EPSTI1: variants seen among roughly 807,000 people sequenced by gnomAD.
The protein encoded by EPSTI1 is epithelial-stromal interaction protein 1.
Under a neutral mutation model 49.9 loss-of-function variants are expected in EPSTI1, and 66 were observed. The observed-to-expected ratio is 1.32, with a 90% CI of 1.08 to 1.62. The LOEUF (loss-of-function observed/expected upper bound fraction) is 1.62, where lower values mean the gene tolerates loss of function less well. Ranked by LOEUF, EPSTI1 falls within the 40% of genes most tolerant of loss-of-function variation. The pLI is 0.00. For missense variants in EPSTI1, 394 were observed against 365.5 expected, an observed-to-expected ratio of 1.08 and a Z score of -0.64; for synonymous variants, 137 against 130.7, an observed-to-expected ratio of 1.05 and a Z score of -0.33.
intron 1 of EPSTI1, among the ~76,000 whole-genome samples, chr13:42,985,617 G>A: frequency 6.6e-6 from 1 of 152,190 alleles, no homozygotes; most frequent in Admixed American, 6.5e-5. Context: ...GAAAATCTTG[G>A]ACACGAATAT....
At chr13:42,948,877 G>A (rs1362890720) in intron 6 of EPSTI1, among the ~76,000 whole-genome samples, 1 of 152,194 alleles carries the variant, frequency 6.6e-6, no homozygotes, top group Non-Finnish European at 1.5e-5. Flanking sequence ...TGTGTAAACA[G>A]GAGATAAAAT....
At chr13:42,952,332 G>T (rs564920725) in intron 6 of EPSTI1, among the ~76,000 whole-genome samples, 1 of 152,110 alleles carries the variant, frequency 6.6e-6, no homozygotes, top group African/African-American at 2.4e-5. Context: ...AACACTCACC[G>T]CAAAGGTCCA....
intron 6 of EPSTI1, among the ~76,000 whole-genome samples, chr13:42,944,511 G>T (rs1230305865): frequency 6.6e-6 from 1 of 152,068 alleles, no homozygotes; most frequent in Non-Finnish European, 1.5e-5. Flanking sequence ...ACACACCAGG[G>T]CCTGTAATGG....
At chr13:42,906,642 C>T (rs1451807452) in intron 8 of EPSTI1, among the ~76,000 whole-genome samples, 2 of 152,112 alleles carry the variant, frequency 1.3e-5, no homozygotes, top group Admixed American at 6.5e-5. Context: ...TAAAGAAGTC[C>T]TGGTTCTCCG....
Position 42,922,485 on chromosome 13 carries a change from CAG to C in EPSTI1, c.657+3849_657+3850del, listed in dbSNP as rs1347484596. Among the ~76,000 whole-genome samples, 4 of 152,252 alleles carry C rather than the reference CAG, an allele frequency of 2.6e-5. No individual in the cohort carries two copies. The South Asian group carries it at 6.2e-4, about 24-fold the overall frequency. On this transcript the variant is annotated intron_variant, in intron 7 of 10. Coordinates refer to ENST00000313624, the MANE Select transcript of EPSTI1 (RefSeq NM_033255.5). This position sits in a 1 kb window ranked among gnomAD's most constrained non-coding sequence, Gnocchi z 4.8. ...GCCGTGTGCCAAGGGTTTGCGGGGA[CAG>C]GGGACAGATGCCCCCCGGAAGCTTC...
At chr13:42,929,016 A>T (rs111333025) in intron 6 of EPSTI1, among the ~76,000 whole-genome samples, 34 of 152,318 alleles carry the variant, frequency 2.2e-4, no homozygotes, top group African/African-American at 7.0e-4. Context: ...CTGCCTTTCA[A>T]ATTATGACAC....
intron 1 of EPSTI1, 60 bp downstream of exon 1, chr13:42,991,918 T>A: frequency 6.3e-7 from 1 of 1,589,094 alleles, no homozygotes; most frequent in South Asian, 1.1e-5. Flanking sequence ...AAGGTGCTTG[T>A]GAGTGAGTAT....
intron 6 of EPSTI1, among the ~76,000 whole-genome samples, chr13:42,944,109 G>A (rs935176533): frequency 2.6e-5 from 4 of 152,188 alleles, no homozygotes; most frequent in African/African-American, 7.2e-5. Flanking sequence ...AAGACAGTGT[G>A]GCAATTCCTC....
chr13:42,921,658 C>T (rs760684710), intron 7 of EPSTI1, among the ~76,000 whole-genome samples: 5 of 152,210 alleles, frequency 3.3e-5, no homozygotes, highest in East Asian at 3.9e-4. Flanking sequence ...CTTTTTTAAA[C>T]CCTGAAGCCC....
rs540291104 is a variant in EPSTI1 at position 42,926,464 on chromosome 13, C to A, written c.564-35G>T. ...ACACAAACAGGTGTTAGTGCCTTCA[C>A]AAAAATATGAACATAATTCTTTATT... On this transcript the variant is annotated intron_variant, in intron 6 of 10. Coordinates refer to ENST00000313624, the MANE Select transcript of EPSTI1 (RefSeq NM_033255.5). 1.7e-5 allele frequency: 19 copies of A among 1,114,358 alleles called. No homozygotes were observed. The South Asian group carries it at 2.3e-4, about 14-fold the overall frequency. 69.0% of individuals were successfully genotyped at this position (1,114,358 alleles called of 1,614,324 possible).
intron 8 of EPSTI1, among the ~76,000 whole-genome samples, chr13:42,904,949 C>T (rs910288718): frequency 6.6e-6 from 1 of 152,086 alleles, no homozygotes; most frequent in Non-Finnish European, 1.5e-5. Context: ...GAAAAGGATG[C>T]TTTACTATCT....
Position 42,917,642 on chromosome 13 carries a change from GAAAA to G in EPSTI1, c.658-22_658-19del, listed in dbSNP as rs71202243. 2.8e-5 allele frequency: 12 copies of G among 426,418 alleles called. No homozygotes were observed. Among genetic ancestry groups the G allele is most frequent in the East Asian group, 9.3e-5 (2 of 21,574 alleles). 26.4% of individuals were successfully genotyped at this position (426,418 alleles called of 1,614,324 possible). A position where few individuals can be genotyped will look rare whatever the true frequency, so the allele number is the denominator to read the frequency against. On this transcript the variant is annotated intron_variant, in intron 7 of 10. Transcript: ENST00000313624. ...CTTCTGGCCTGTAAAGGTACAAAGA[GAAAA>G]AAAAAAAAAAAAACAACTTGATAGG...
intron 1 of EPSTI1, among the ~76,000 whole-genome samples, chr13:42,983,230 C>A (rs1331833472): frequency 6.6e-6 from 1 of 152,188 alleles, no homozygotes; most frequent in Non-Finnish European, 1.5e-5. Context: ...TATTACCACT[C>A]TCTTTAGCCT....
intron 1 of EPSTI1, among the ~76,000 whole-genome samples, chr13:42,979,998 ATTTCC>A (rs2039959088): frequency 6.6e-6 from 1 of 152,014 alleles, no homozygotes; most frequent in African/African-American, 2.4e-5. Flanking sequence ...AGCTCAGACA[ATTTCC>A]TTGACTTTTT....
intron 8 of EPSTI1, among the ~76,000 whole-genome samples, chr13:42,914,411 A>G (rs2037772253): frequency 6.6e-6 from 1 of 152,144 alleles, no homozygotes; most frequent in Non-Finnish European, 1.5e-5. Flanking sequence ...AGACAGATCA[A>G]CCAGAATAAT....
chr13:42,969,004 G>C (rs1042721483), intron 3 of EPSTI1, 90 bp downstream of exon 3: 2 of 1,207,584 alleles, frequency 1.7e-6, no homozygotes, highest in East Asian at 5.0e-5. Flanking sequence ...AACTACAATG[G>C]ACATTCACAG....
chr13:42,988,852 T>C (rs1425880192), intron 1 of EPSTI1, among the ~76,000 whole-genome samples: 1 of 1,960 alleles, frequency 5.1e-4, no homozygotes, highest in Non-Finnish European at 0.062. Context: ...AATAGGTGGT[T>C]TATTTATTTA....
At chr13:42,937,013 T>C (rs1383575810) in intron 6 of EPSTI1, among the ~76,000 whole-genome samples, 1 of 152,164 alleles carries the variant, frequency 6.6e-6, no homozygotes, top group Non-Finnish European at 1.5e-5. Flanking sequence ...CAATATGTAG[T>C]TATAGTCATA....
chr13:42,936,616 C>T (rs2038574228), intron 6 of EPSTI1, among the ~76,000 whole-genome samples: 1 of 152,306 alleles, frequency 6.6e-6, no homozygotes, highest in African/African-American at 2.4e-5. Context: ...TGTATTTGGT[C>T]CTGGGCCCTC....
Sources: gnomAD v4.1 joint callset for allele counts (sites outside exome capture counted in the v4.1 genomes callset) on GRCh38, gnomAD v4.1.1 for gene constraint, Gnocchi (gnomAD v3.1) non-coding constraint, MANE v1.5 for transcripts, NCBI Gene and HGNC (gene_info 2026-07-23, HGNC 2026-07-21) for gene names.